LRRC4C: variants seen among roughly 807,000 people sequenced by gnomAD.
LRRC4C encodes leucine rich repeat containing 4C, also known as leucine-rich repeat-containing protein 4C.
Under a neutral mutation model 33.6 loss-of-function variants are expected in LRRC4C, and 5 were observed. The ratio of observed to expected loss-of-function variants is 0.15; its 90% CI spans 0.08 to 0.31. The LOEUF is 0.31. Ranked by LOEUF, LRRC4C falls within the 10% of genes least tolerant of loss-of-function variation. The pLI is 1.00. For missense variants in LRRC4C, 560 were observed against 796.7 expected, an observed-to-expected ratio of 0.70 and a Z score of 3.58; for synonymous variants, 329 against 302.0, an observed-to-expected ratio of 1.09 and a Z score of -0.93.
chr11:40,791,343 A>C (rs896550566), intron 2 of LRRC4C, among the ~76,000 whole-genome samples: 4 of 152,292 alleles, frequency 2.6e-5, no homozygotes, highest in African/African-American at 4.8e-5. Context: ...CTGTCAAATC[A>C]GTTATTTTCC....
chr11:40,387,473 A>G (rs1041611319), intron 3 of LRRC4C, among the ~76,000 whole-genome samples: 5 of 152,210 alleles, frequency 3.3e-5, no homozygotes, highest in African/African-American at 1.2e-4. Context: ...CACAGTACCC[A>G]TGACTAACTC....
chr11:40,150,992 G>C (rs892532991), intron 5 of LRRC4C, among the ~76,000 whole-genome samples: 2 of 152,122 alleles, frequency 1.3e-5, no homozygotes, highest in South Asian at 4.1e-4. Flanking sequence ...AATGTCATCT[G>C]CTTCTGAACT....
intron 1 of LRRC4C, among the ~76,000 whole-genome samples, chr11:41,406,076 G>T (rs1031135624): frequency 1.4e-5 from 2 of 146,544 alleles, no homozygotes; most frequent in Non-Finnish European, 3.1e-5. Context: ...TGGTATAGAG[G>T]GGAGTAAAAA....
At chr11:40,579,742 AAAC>A (rs934498069) in intron 3 of LRRC4C, among the ~76,000 whole-genome samples, 4 of 144,664 alleles carry the variant, frequency 2.8e-5, no homozygotes, top group Middle Eastern at 3.6e-3. Flanking sequence ...TCCAAAAGAA[AAAC>A]AACAACAACA....
At chr11:41,030,791 C>CT (rs1176372560) in intron 1 of LRRC4C, among the ~76,000 whole-genome samples, 2 of 151,568 alleles carry the variant, frequency 1.3e-5, no homozygotes, top group Non-Finnish European at 2.9e-5. Flanking sequence ...CTGTGGGGCA[C>CT]TGTTATACAC....
At chr11:41,080,581 G>A (rs1332351278) in intron 1 of LRRC4C, among the ~76,000 whole-genome samples, 1 of 151,962 alleles carries the variant, frequency 6.6e-6, no homozygotes, top group Non-Finnish European at 1.5e-5. Context: ...TCGAACTCCC[G>A]ACCTCAGGTG....
intron 1 of LRRC4C, among the ~76,000 whole-genome samples, chr11:41,092,087 T>G (rs1027749276): frequency 6.6e-6 from 1 of 152,210 alleles, no homozygotes; most frequent in African/African-American, 2.4e-5. Context: ...TTTTTTACAA[T>G]AAAAACGTAT....
chr11:41,043,752 T>G (rs1398620005), intron 1 of LRRC4C, among the ~76,000 whole-genome samples: 1 of 152,178 alleles, frequency 6.6e-6, no homozygotes, highest in Non-Finnish European at 1.5e-5. Context: ...TATTTTACCA[T>G]TATGATTTAA....
intron 1 of LRRC4C, among the ~76,000 whole-genome samples, chr11:40,935,325 G>A (rs1957822564): frequency 6.6e-6 from 1 of 152,074 alleles, no homozygotes. Context: ...AGATGCAGAG[G>A]AAAATCTTGT....
Position 41,021,341 on chromosome 11 carries a change from A to C in LRRC4C, c.-495-87618T>G, listed in dbSNP as rs370622884. 1.1e-4 allele frequency among the ~76,000 whole-genome samples: 16 copies of C among 151,998 alleles called. No homozygotes were observed. The East Asian group carries it at 1.9e-3, about 18-fold the overall frequency. ...GAGATTCTCTTCCTTTGCCACCTTC[A>C]CCTCTATTCTAGCTCTAGAGTTCTC... On this transcript the variant is annotated intron_variant, in intron 1 of 6. Transcript: ENST00000528697.
At chr11:40,177,904 T>C (rs1379132877) in intron 5 of LRRC4C, among the ~76,000 whole-genome samples, 1 of 152,206 alleles carries the variant, frequency 6.6e-6, no homozygotes, top group Non-Finnish European at 1.5e-5. Context: ...GTAGTTGCTT[T>C]ATAGATGATT....
At position 41,235,014 on chromosome 11, in the gene LRRC4C, G is replaced by A. The variant is rs77291314; in HGVS notation, c.-496+224417C>T. ...GACTATAATAACCTAAATAGGTGAA[G>A]GATCAGAACTCAGGAAGATATAAAA... On this transcript the variant is annotated intron_variant, in intron 1 of 6. Coordinates refer to ENST00000528697, the MANE Select transcript of LRRC4C (RefSeq NM_001258419.2). 8.6e-4 allele frequency among the ~76,000 whole-genome samples: 130 copies of A among 151,964 alleles called. 4 individuals are homozygous for A. The East Asian group carries it at 0.025, about 29-fold the overall frequency.
intron 1 of LRRC4C, among the ~76,000 whole-genome samples, chr11:41,328,159 C>T (rs77004285): frequency 0.019 from 2,871 of 152,190 alleles, 92 homozygotes; most frequent in African/African-American, 0.064. Flanking sequence ...TTGATATTAT[C>T]TTTCCTGTGG....
chr11:40,634,752 C>T (rs575208989), intron 3 of LRRC4C, among the ~76,000 whole-genome samples: 7 of 151,840 alleles, frequency 4.6e-5, no homozygotes, highest in African/African-American at 1.7e-4. Flanking sequence ...CATAGTGGTG[C>T]ATGCCTGTAG....
intron 1 of LRRC4C, among the ~76,000 whole-genome samples, chr11:41,135,618 T>C (rs1943222042): frequency 6.6e-6 from 1 of 152,172 alleles, no homozygotes; most frequent in African/African-American, 2.4e-5. Context: ...ATTGGGATAG[T>C]GTTACTATGC....
intron 1 of LRRC4C, among the ~76,000 whole-genome samples, chr11:41,133,593 ATTATACTC>A (rs1943120564): frequency 6.6e-6 from 1 of 151,056 alleles, no homozygotes; most frequent in African/African-American, 2.4e-5. Context: ...GACAAACCTC[ATTATACTC>A]CCTCCACTTT....
At chr11:41,111,876 G>A (rs1227055416) in intron 1 of LRRC4C, among the ~76,000 whole-genome samples, 1 of 151,984 alleles carries the variant, frequency 6.6e-6, no homozygotes, top group Non-Finnish European at 1.5e-5. Flanking sequence ...GACTATCATA[G>A]ATAATAGAAA....
intron 2 of LRRC4C, among the ~76,000 whole-genome samples, chr11:40,706,958 A>T (rs1268312361): frequency 6.6e-6 from 1 of 152,004 alleles, no homozygotes; most frequent in Non-Finnish European, 1.5e-5. Context: ...TAGGTATTTT[A>T]TTCTCTTTGT....
At chr11:40,389,744 C>A (rs1357151570) in intron 3 of LRRC4C, among the ~76,000 whole-genome samples, 2 of 152,134 alleles carry the variant, frequency 1.3e-5, no homozygotes, top group East Asian at 1.9e-4. Context: ...AGACACACTG[C>A]TGTATTTTAC....
Sources: gnomAD v4.1 joint callset for allele counts (sites outside exome capture counted in the v4.1 genomes callset) on GRCh38, gnomAD v4.1.1 for gene constraint, MANE v1.5 for transcripts, NCBI Gene and HGNC (gene_info 2026-07-23, HGNC 2026-07-21) for gene names.